The following SLC25A17 variants were observed in gnomAD, a reference collection of about 807,000 sequenced individuals.
The protein encoded by SLC25A17 is peroxisomal membrane protein PMP34.
In SLC25A17, 26 loss-of-function variants were observed where a neutral mutation model predicts 38.5. That is an observed-to-expected ratio of 0.68 (90% CI 0.50 to 0.94). The LOEUF (loss-of-function observed/expected upper bound fraction) is 0.94. Among genes scored for constraint, SLC25A17 ranks in the 40% least tolerant of loss-of-function variants. The probability of loss-of-function intolerance (pLI) is 0.00; values close to 1 mark genes in which losing one functional copy is unlikely to be tolerated. For synonymous variants in SLC25A17, 139 were observed against 136.2 expected (o/e 1.02, Z -0.14); for missense variants, 333 against 372.7 (o/e 0.89, Z 0.88).
In SLC25A17 at chr22:40,799,061, ACT is replaced by A; in HGVS notation, c.75_76del (p.Phe28SerfsTer6). 2 of 1,613,780 alleles carry A rather than the reference ACT, an allele frequency of 1.2e-6. No individual in the cohort carries two copies. The highest frequency in any genetic ancestry group is 2.2e-5 in the South Asian group (2 of 91,066). ...TCTAGCTGTATCCAGGGGAAAAAACACTGTCATTGCTGTCACGCTTCCCTGAA... is the reference window on the plus strand; with the variant it reads ...TCTAGCTGTATCCAGGGGAAAAAACAGTCATTGCTGTCACGCTTCCCTGAA... On this transcript the variant is annotated frameshift_variant, in exon 2 of 9. Transcript: ENST00000435456. LOFTEE classifies it high-confidence loss of function.
chr22:40,808,887 C>T (rs752145977), intron 1 of SLC25A17, among the ~76,000 whole-genome samples: 2 of 152,182 alleles, frequency 1.3e-5, no homozygotes, highest in Non-Finnish European at 2.9e-5. Flanking sequence ...TTCTTATTCT[C>T]TCACAGTGTG....
chr22:40,785,058 C>T (rs1255877184), intron 4 of SLC25A17, among the ~76,000 whole-genome samples: 4 of 152,284 alleles, frequency 2.6e-5, no homozygotes, highest in Non-Finnish European at 5.9e-5. Flanking sequence ...GTTCTGAGGG[C>T]TGCCCAATTT....
chr22:40,804,157 A>G (rs2057508778), intron 1 of SLC25A17, among the ~76,000 whole-genome samples: 1 of 152,094 alleles, frequency 6.6e-6, no homozygotes, highest in Non-Finnish European at 1.5e-5. Context: ...AGGACTAGCA[A>G]AAGGAGTCCT....
intron 4 of SLC25A17, 187 bp from the exon 5 acceptor site, chr22:40,779,312 C>T (rs1404276160): frequency 1.4e-6 from 2 of 1,433,306 alleles, no homozygotes; most frequent in African/African-American, 2.9e-5. Flanking sequence ...GATTTGGAAG[C>T]TTTGCTGATA....
intron 2 of SLC25A17, among the ~76,000 whole-genome samples, chr22:40,796,168 CTG>C (rs2057427684): frequency 1.3e-5 from 2 of 152,224 alleles, no homozygotes; most frequent in South Asian, 4.1e-4. Flanking sequence ...AGGACAAGGA[CTG>C]TGTTTTTCCT....
At chr22:40,801,595 G>A (rs1427306587) in intron 1 of SLC25A17, among the ~76,000 whole-genome samples, 4 of 152,044 alleles carry the variant, frequency 2.6e-5, no homozygotes, top group South Asian at 4.1e-4. Flanking sequence ...GACACTCAAC[G>A]ACTAAATGAT....
intron 4 of SLC25A17, among the ~76,000 whole-genome samples, chr22:40,786,680 A>G (rs1327823950): frequency 6.6e-6 from 1 of 152,246 alleles, no homozygotes; most frequent in Non-Finnish European, 1.5e-5. Context: ...AATACTTTCA[A>G]TCCACAGTTG....
intron 4 of SLC25A17, chr22:40,784,610 C>T (rs755336668): frequency 9.1e-6 from 2 of 220,464 alleles, no homozygotes; most frequent in South Asian, 4.6e-5. Flanking sequence ...CCCATCTGTA[C>T]AAAAAATAAA....
intron 4 of SLC25A17, among the ~76,000 whole-genome samples, chr22:40,785,416 A>C (rs1167593839): frequency 6.6e-6 from 1 of 152,180 alleles, no homozygotes. Context: ...TGTTAAACAT[A>C]ATTTGTCTAA....
chr22:40,787,091 ATAGAAAGGGCACC>A (rs1222789120), intron 4 of SLC25A17, among the ~76,000 whole-genome samples: 3 of 152,260 alleles, frequency 2.0e-5, no homozygotes, highest in African/African-American at 2.4e-5. Flanking sequence ...GTTGGAGCAC[ATAGAAAGGGCACC>A]TAACCCAGAA....
rs1360065557 is a variant in SLC25A17, at chr22:40,789,760, A to G, written c.334+2765T>C. 6.6e-6 allele frequency among the ~76,000 whole-genome samples: 1 copy of G among 151,704 alleles called. No homozygotes were observed. The highest frequency in any genetic ancestry group is 1.5e-5 in the Non-Finnish European group (1 of 67,936). On this transcript the variant is annotated intron_variant, in intron 4 of 8. Transcript: ENST00000435456. The surrounding 1 kb of genome is among the most constrained non-coding windows in gnomAD (Gnocchi z 4.5). ...TGACCTCAGGTGATACACCCGCCTC[A>G]GCCTCTCAAAGTGCTGGGATTACAG...
intron 1 of SLC25A17, among the ~76,000 whole-genome samples, chr22:40,799,900 A>G (rs1602616234): frequency 6.6e-6 from 1 of 152,212 alleles, no homozygotes; most frequent in Non-Finnish European, 1.5e-5. Flanking sequence ...GCAACCTAGG[A>G]CACATGTCAA....
chr22:40,791,561 T>A (rs1198292089), intron 4 of SLC25A17, among the ~76,000 whole-genome samples: 1 of 152,130 alleles, frequency 6.6e-6, no homozygotes, highest in East Asian at 1.9e-4. Flanking sequence ...TGTAATAACC[T>A]GATTAAAAAA....
At chr22:40,776,367 C>A (rs1034150023) in intron 7 of SLC25A17, 2 of 453,428 alleles carry the variant, frequency 4.4e-6, no homozygotes, top group Admixed American at 2.5e-5. Flanking sequence ...ATCATTCATT[C>A]CTCCTGAGTG....
intron 4 of SLC25A17, among the ~76,000 whole-genome samples, chr22:40,781,102 T>A (rs758997135): frequency 6.6e-6 from 1 of 152,164 alleles, no homozygotes; most frequent in East Asian, 1.9e-4. Context: ...GCCCAGGAGG[T>A]TGAGGCTGCA....
intron 1 of SLC25A17, among the ~76,000 whole-genome samples, chr22:40,804,244 G>A (rs1219414581): frequency 6.6e-6 from 1 of 152,130 alleles, no homozygotes; most frequent in African/African-American, 2.4e-5. Flanking sequence ...GTTGAGGAAT[G>A]GTAGAGACAA....
intron 1 of SLC25A17, among the ~76,000 whole-genome samples, chr22:40,809,455 T>C (rs2057558518): frequency 1.6e-5 from 2 of 128,508 alleles, no homozygotes; most frequent in Admixed American, 9.0e-5. Flanking sequence ...AGAAACCCAG[T>C]CTCTACAAAA....
intron 1 of SLC25A17, among the ~76,000 whole-genome samples, chr22:40,803,995 G>T (rs957778593): frequency 6.6e-6 from 1 of 152,008 alleles, no homozygotes; most frequent in Admixed American, 6.6e-5. Context: ...GGGCCTTAGA[G>T]AGTTTTGATG....
At chr22:40,781,360 C>T (rs2057292915) in intron 4 of SLC25A17, among the ~76,000 whole-genome samples, 2 of 151,990 alleles carry the variant, frequency 1.3e-5, no homozygotes, top group African/African-American at 4.8e-5. Context: ...ATTCTCCTGC[C>T]TCAGCCTCCC....
Sources: allele counts gnomAD v4.1 joint callset (sites outside exome capture counted in the v4.1 genomes callset), GRCh38; gene constraint gnomAD v4.1.1; non-coding constraint Gnocchi (gnomAD v3.1); transcripts MANE v1.5; gene names NCBI Gene and HGNC (gene_info 2026-07-23, HGNC 2026-07-21).